COL23A1: variants seen among roughly 807,000 people sequenced by gnomAD.
The protein encoded by COL23A1 is collagen alpha-1(XXIII) chain.
In COL23A1, 97 loss-of-function variants were observed where a neutral mutation model predicts 99.3. The ratio of observed to expected loss-of-function variants is 0.98; its 90% CI spans 0.83 to 1.16. The LOEUF (loss-of-function observed/expected upper bound fraction) is 1.16, where lower values mean the gene tolerates loss of function less well. COL23A1 is among the 50% of genes most tolerant of loss of function. The pLI, the probability that COL23A1 is intolerant of heterozygous loss-of-function variation, is 0.00. For missense variants in COL23A1, 762 were observed against 757.4 expected (o/e 1.01, Z -0.07); for synonymous variants, 320 against 308.2 (o/e 1.04, Z -0.40).
chr5:178,363,299 A>G (rs148637164), intron 2 of COL23A1, among the ~76,000 whole-genome samples: 1 of 152,092 alleles, frequency 6.6e-6, no homozygotes, highest in East Asian at 1.9e-4. Flanking sequence ...TGCTAATTTG[A>G]TCACTGTATA....
intron 2 of COL23A1, among the ~76,000 whole-genome samples, chr5:178,475,447 G>C (rs1220443519): frequency 6.6e-6 from 1 of 152,158 alleles, no homozygotes; most frequent in East Asian, 1.9e-4. Flanking sequence ...CCGAGGCAGA[G>C]GTGCTGAGCC....
intron 1 of COL23A1, among the ~76,000 whole-genome samples, chr5:178,566,524 C>G (rs1762848415): frequency 6.6e-6 from 1 of 152,126 alleles, no homozygotes. Context: ...TCATTGAAAA[C>G]TCTAAGGCTG....
At position 178,270,337 on chromosome 5, in the gene COL23A1, G is replaced by C. The variant is rs372552040; in HGVS notation, c.468C>G (p.Pro156=). 3.7e-6 allele frequency: 6 copies of C among 1,613,846 alleles called. No homozygotes were observed. The highest frequency in any genetic ancestry group is 5.1e-6 in the Non-Finnish European group (6 of 1,179,986). The change falls in exon 6 of 29, where the codon CCC becomes CCG. Residue 156 remains proline (P), a splice_region_variant and synonymous_variant. Transcript: ENST00000390654. ...YPGPLGLDGK[P]GLPGPKGEKG... is the part of the protein sequence containing the mutation. ...CTGGAATTGCCCTGTCATCACTTACGGGCTTGCCATCCAAACCCAGGGGTC... is the reference window on the plus strand; with the variant it reads ...CTGGAATTGCCCTGTCATCACTTACCGGCTTGCCATCCAAACCCAGGGGTC...
intron 2 of COL23A1, among the ~76,000 whole-genome samples, chr5:178,400,444 A>G (rs961098021): frequency 3.5e-5 from 4 of 112,736 alleles, no homozygotes; most frequent in Admixed American, 3.0e-4. Flanking sequence ...TGTTTTGACA[A>G]TCGAGACACA....
chr5:178,327,219 C>T (rs1759736263), intron 2 of COL23A1, among the ~76,000 whole-genome samples: 1 of 152,224 alleles, frequency 6.6e-6, no homozygotes, highest in Non-Finnish European at 1.5e-5. Flanking sequence ...TCGGTGAGTG[C>T]ATCCCAGTTC....
chr5:178,381,476 T>C (rs1763379190), intron 2 of COL23A1, among the ~76,000 whole-genome samples: 1 of 152,112 alleles, frequency 6.6e-6, no homozygotes, highest in Non-Finnish European at 1.5e-5. Context: ...GTCCTGCCTG[T>C]CGCTGGTCTG....
At chr5:178,312,501 G>C (rs995046915) in intron 2 of COL23A1, among the ~76,000 whole-genome samples, 1 of 152,108 alleles carries the variant, frequency 6.6e-6, no homozygotes, top group Admixed American at 6.5e-5. Context: ...AACTCCAAAG[G>C]GGGGCCTCGA....
intron 2 of COL23A1, among the ~76,000 whole-genome samples, chr5:178,503,225 A>G (rs1194068672): frequency 1.3e-5 from 2 of 152,182 alleles, no homozygotes; most frequent in Non-Finnish European, 2.9e-5. Flanking sequence ...TGCTAAAAAT[A>G]CAAGAATTAG....
At chr5:178,358,551 T>C (rs957695219) in intron 2 of COL23A1, among the ~76,000 whole-genome samples, 10 of 150,394 alleles carry the variant, frequency 6.6e-5, no homozygotes, top group South Asian at 2.1e-4. Context: ...TGTGTGTGTA[T>C]GTGTACGTGT....
intron 2 of COL23A1, among the ~76,000 whole-genome samples, chr5:178,559,187 G>T (rs772948707): frequency 6.6e-6 from 1 of 152,168 alleles, no homozygotes; most frequent in Non-Finnish European, 1.5e-5. Flanking sequence ...GCTAGCTCAA[G>T]CTCAACCATA....
chr5:178,360,036 G>A (rs1273911003), intron 2 of COL23A1, among the ~76,000 whole-genome samples: 1 of 152,152 alleles, frequency 6.6e-6, no homozygotes, highest in Non-Finnish European at 1.5e-5. Context: ...CGCATCATAG[G>A]TCTTTGGGGG....
chr5:178,386,564 A>G (rs79535659), intron 2 of COL23A1, among the ~76,000 whole-genome samples: 3,735 of 152,066 alleles, frequency 0.025, 147 homozygotes, highest in African/African-American at 0.081. Flanking sequence ...AGATGAGGAT[A>G]TGAGTCTGTG....
rs1391389230 is a variant in COL23A1 at position 178,439,747 on chromosome 5, C to T, written c.361+120935G>A. 6.6e-6 allele frequency: 1 copy of T among 152,250 alleles called. No individual in the cohort carries two copies. The highest frequency in any genetic ancestry group is 1.5e-5 in the Non-Finnish European group (1 of 68,054). 9.4% of individuals were successfully genotyped at this position (152,250 alleles called of 1,614,324 possible). On this transcript the variant is annotated intron_variant, in intron 2 of 28. Coordinates refer to ENST00000390654, the MANE Select transcript of COL23A1 (RefSeq NM_173465.4). The surrounding 1 kb of genome is among the most constrained non-coding windows in gnomAD (Gnocchi z 4.2). ...AACATACGTCCATACAACTCAGATG[C>T]AAATGCTCATAGAAGCGTTCTTCAA...
chr5:178,456,245 T>C (rs1174522994), intron 2 of COL23A1, among the ~76,000 whole-genome samples: 1 of 152,222 alleles, frequency 6.6e-6, no homozygotes, highest in Non-Finnish European at 1.5e-5. Flanking sequence ...TTCCCTAGGC[T>C]TCTATAATTC....
At chr5:178,260,092 G>C (rs1447206430) in intron 11 of COL23A1, among the ~76,000 whole-genome samples, 1 of 152,208 alleles carries the variant, frequency 6.6e-6, no homozygotes, top group Non-Finnish European at 1.5e-5. Flanking sequence ...GCGAGGACCA[G>C]AGCCCGCCTC....
chr5:178,439,877 A>C lies in COL23A1; in HGVS notation c.361+120805T>G, dbSNP rs1561973714. 1 of 152,238 alleles carries C rather than the reference A, an allele frequency of 6.6e-6. No homozygotes were observed. Among genetic ancestry groups the C allele is most frequent in the Non-Finnish European group, 1.5e-5 (1 of 68,050 alleles). The allele number at this position is 152,238 out of a possible 1,614,324, so 9.4% of individuals were successfully genotyped here. A position where few individuals can be genotyped will look rare whatever the true frequency, so the allele number is the denominator to read the frequency against. ...ACCACTACATGCTACAACATGGATG[A>C]GCCCCAGAAATGCGACGCTGAGTGA... On this transcript the variant is annotated intron_variant, in intron 2 of 28. Transcript: ENST00000390654. The surrounding 1 kb of genome is among the most constrained non-coding windows in gnomAD (Gnocchi z 4.2).
At position 178,247,673 on chromosome 5, in the gene COL23A1, A is replaced by G. The variant is rs888540813; in HGVS notation, c.1269+102T>C. On this transcript the variant is annotated intron_variant, in intron 21 of 28. Coordinates refer to ENST00000390654, the MANE Select transcript of COL23A1 (RefSeq NM_173465.4). ...TGCCCATGTGCCCCTCCCTGAACGAAGAAGCCCGCTCTCTCCTGGGTCATG... is the reference window on the plus strand; with the variant it reads ...TGCCCATGTGCCCCTCCCTGAACGAGGAAGCCCGCTCTCTCCTGGGTCATG... 4 of 1,550,720 alleles carry G rather than the reference A, an allele frequency of 2.6e-6. No homozygotes were observed. In the African/African-American group the frequency reaches 5.4e-5, roughly 21 times the overall value.
intron 2 of COL23A1, among the ~76,000 whole-genome samples, chr5:178,346,845 A>G (rs940170791): frequency 4.6e-5 from 7 of 152,234 alleles, no homozygotes; most frequent in Non-Finnish European, 1.0e-4. Flanking sequence ...GGCTGCAGAT[A>G]GACACCAGCC....
chr5:178,573,419 A>G lies in COL23A1; in HGVS notation c.295-12671T>C, dbSNP rs373990628. Among the ~76,000 whole-genome samples, 88 of 152,324 alleles carry G rather than the reference A, an allele frequency of 5.8e-4. 2 individuals carry two copies. In the South Asian group the frequency reaches 0.012, roughly 21 times the overall value. ...CCGGCCACCGCACTTGGCAGGAGCC[A>G]CTTGGCTTTTCTCTAAGAATGTGGG... On this transcript the variant is annotated intron_variant, in intron 1 of 28. Coordinates refer to ENST00000390654, the MANE Select transcript of COL23A1 (RefSeq NM_173465.4).
Sources: gnomAD v4.1 joint callset for allele counts (sites outside exome capture counted in the v4.1 genomes callset) on GRCh38, gnomAD v4.1.1 for gene constraint, Gnocchi (gnomAD v3.1) non-coding constraint, MANE v1.5 for transcripts, NCBI Gene and HGNC (gene_info 2026-07-23, HGNC 2026-07-21) for gene names.